AP3S1: variants seen among roughly 807,000 people sequenced by gnomAD.
AP3S1 encodes the protein AP-3 complex subunit sigma-1.
Under a neutral mutation model 21.3 loss-of-function variants are expected in AP3S1, and 12 were observed. The ratio of observed to expected loss-of-function variants is 0.56; its 90% CI spans 0.36 to 0.91. The LOEUF is 0.91. AP3S1 is among the 40% of genes least tolerant of loss of function. The pLI is 0.01. For synonymous variants in AP3S1, 48 were observed against 78.4 expected (o/e 0.61, Z 2.05); for missense variants, 116 against 225.0 (o/e 0.52, Z 3.10).
At chr5:115,858,269 T>C (rs1762933028) in intron 1 of AP3S1, among the ~76,000 whole-genome samples, 1 of 152,210 alleles carries the variant, frequency 6.6e-6, no homozygotes, top group African/African-American at 2.4e-5. Flanking sequence ...CCCAAAAATT[T>C]TTATTATGAC....
At chr5:115,853,102 G>T (rs1762558355) in intron 1 of AP3S1, 1 of 429,490 alleles carries the variant, frequency 2.3e-6, no homozygotes, top group East Asian at 7.2e-5. Context: ...CAATGTCTGA[G>T]GGCTCCAGTT....
intron 3 of AP3S1, among the ~76,000 whole-genome samples, chr5:115,893,164 A>G (rs1274518094): frequency 1.3e-5 from 2 of 152,172 alleles, no homozygotes; most frequent in Non-Finnish European, 2.9e-5. Flanking sequence ...TAATCCTTGA[A>G]TAACACCACA....
intron 3 of AP3S1, among the ~76,000 whole-genome samples, chr5:115,882,406 CT>C (rs1749376945): frequency 6.6e-6 from 1 of 152,068 alleles, no homozygotes; most frequent in South Asian, 2.1e-4. Context: ...CCTTATTGTC[CT>C]TGTTGATGCT....
rs1315348938 is a variant in AP3S1, at chr5:115,870,137, A to T, written c.273+9A>T. The T allele has an allele frequency of 1.3e-6, 1 of 753,254 alleles. No homozygotes were observed. The highest frequency in any genetic ancestry group is 1.7e-5 in the South Asian group (1 of 58,720). The allele number at this position is 753,254 out of a possible 1,614,324, so 46.7% of individuals were successfully genotyped here. On this transcript the variant is annotated intron_variant, in intron 3 of 5. Transcript: ENST00000316788. ...TTTTAGATCTAATTCAAGTAAGTTAACACTTGCTTCTTACTATCTTAAATA... is the reference window on the plus strand; with the variant it reads ...TTTTAGATCTAATTCAAGTAAGTTATCACTTGCTTCTTACTATCTTAAATA...
intron 1 of AP3S1, among the ~76,000 whole-genome samples, chr5:115,858,823 T>C (rs1462644529): frequency 1.3e-5 from 2 of 150,648 alleles, no homozygotes; most frequent in African/African-American, 4.8e-5. Flanking sequence ...TATCTTTTCT[T>C]ACTTCTCTTA....
chr5:115,850,333 G>T (rs1177845007), intron 1 of AP3S1, among the ~76,000 whole-genome samples: 1 of 151,992 alleles, frequency 6.6e-6, no homozygotes, highest in African/African-American at 2.4e-5. Flanking sequence ...GACATGAAAG[G>T]GTTATAAAAT....
At chr5:115,869,506 T>C (rs1748030292) in intron 2 of AP3S1, among the ~76,000 whole-genome samples, 1 of 152,200 alleles carries the variant, frequency 6.6e-6, no homozygotes, top group South Asian at 2.1e-4. Flanking sequence ...TGAACATACA[T>C]ACTTTGTTCT....
At chr5:115,849,446 A>G (rs1180136462) in intron 1 of AP3S1, among the ~76,000 whole-genome samples, 2 of 152,220 alleles carry the variant, frequency 1.3e-5, no homozygotes, top group Non-Finnish European at 2.9e-5. Context: ...TGATGTGTTC[A>G]GGAATAGCAA....
intron 3 of AP3S1, among the ~76,000 whole-genome samples, chr5:115,872,131 C>A (rs1452886510): frequency 6.6e-6 from 1 of 151,934 alleles, no homozygotes; most frequent in Non-Finnish European, 1.5e-5. Context: ...CTGGGCAACC[C>A]CATCTCTACA....
intron 3 of AP3S1, among the ~76,000 whole-genome samples, chr5:115,885,275 A>G (rs1749680490): frequency 6.6e-6 from 1 of 152,164 alleles, no homozygotes; most frequent in East Asian, 1.9e-4. Context: ...AAAGTCCTAC[A>G]ATAGGCCGTC....
intron 5 of AP3S1, among the ~76,000 whole-genome samples, chr5:115,907,780 C>T (rs775767707): frequency 2.5e-4 from 38 of 152,070 alleles, no homozygotes; most frequent in African/African-American, 8.2e-4. Flanking sequence ...ATTTCCTGTA[C>T]GTTTTTTCAC....
At chr5:115,886,355 C>T (rs905079824) in intron 3 of AP3S1, among the ~76,000 whole-genome samples, 1 of 152,136 alleles carries the variant, frequency 6.6e-6, no homozygotes, top group Non-Finnish European at 1.5e-5. Flanking sequence ...TCCACCTCCT[C>T]CACTTCTTCC....
intron 5 of AP3S1, chr5:115,906,789 T>C: frequency 6.9e-7 from 1 of 1,456,952 alleles, no homozygotes. Context: ...CATCCTGATC[T>C]TTCTAGCTCT....
intron 3 of AP3S1, among the ~76,000 whole-genome samples, chr5:115,888,987 G>A (rs909874430): frequency 9.9e-5 from 15 of 152,144 alleles, no homozygotes; most frequent in Non-Finnish European, 1.6e-4. Context: ...AGGCCACAGA[G>A]CAGGGATTTG....
chr5:115,887,324 A>G (rs1019484442), intron 3 of AP3S1, among the ~76,000 whole-genome samples: 31 of 151,686 alleles, frequency 2.0e-4, no homozygotes, highest in African/African-American at 7.3e-4. Flanking sequence ...CTATTTTTGC[A>G]CTAAAGACTT....
At chr5:115,843,788 A>G (rs528482012) in intron 1 of AP3S1, among the ~76,000 whole-genome samples, 22 of 152,356 alleles carry the variant, frequency 1.4e-4, no homozygotes, top group African/African-American at 4.6e-4. Flanking sequence ...TTAACTATCT[A>G]TTGAAAAATG....
At chr5:115,847,227 T>C (rs1266899083) in intron 1 of AP3S1, among the ~76,000 whole-genome samples, 1 of 152,206 alleles carries the variant, frequency 6.6e-6, no homozygotes, top group Non-Finnish European at 1.5e-5. Flanking sequence ...AAAACGGGAA[T>C]AAAATGGATA....
intron 1 of AP3S1, among the ~76,000 whole-genome samples, chr5:115,844,478 G>A (rs1477995753): frequency 6.6e-6 from 1 of 152,204 alleles, no homozygotes; most frequent in Non-Finnish European, 1.5e-5. Flanking sequence ...AAGGAGGTAA[G>A]AAAGGCAGCC....
At chr5:115,894,770 C>T (rs1397791406) in intron 3 of AP3S1, among the ~76,000 whole-genome samples, 1 of 152,184 alleles carries the variant, frequency 6.6e-6, no homozygotes, top group East Asian at 1.9e-4. Flanking sequence ...TTTCTTCCCC[C>T]TCACATTAAA....
Sources: allele counts gnomAD v4.1 joint callset (sites outside exome capture counted in the v4.1 genomes callset), GRCh38; gene constraint gnomAD v4.1.1; transcripts MANE v1.5; gene names NCBI Gene and HGNC (gene_info 2026-07-23, HGNC 2026-07-21).